AMOT: variants seen among roughly 807,000 people sequenced by gnomAD.
The protein encoded by AMOT is angiomotin.
In AMOT, 11 loss-of-function variants were observed where a neutral mutation model predicts 67.0. The ratio of observed to expected loss-of-function variants is 0.16; its 90% CI spans 0.10 to 0.27. The LOEUF (loss-of-function observed/expected upper bound fraction) is 0.27, where lower values mean the gene tolerates loss of function less well. Ranked by LOEUF, AMOT falls within the 10% of genes least tolerant of loss-of-function variation. The pLI is 1.00. For missense variants in AMOT, 753 were observed against 852.0 expected, an observed-to-expected ratio of 0.88 and a Z score of 1.45; for synonymous variants, 326 against 321.4, an observed-to-expected ratio of 1.01 and a Z score of -0.15.
Position 112,815,749 on chromosome X carries a change from G to T in AMOT, c.1001C>A (p.Ala334Asp). Reference sequence around the variant, plus strand: ...CTGGTTTGGGACCAAGGGGTGTCGGGCAGGAGACAATCTAGTGGATGGTGG... The same window carrying T: ...CTGGTTTGGGACCAAGGGGTGTCGGTCAGGAGACAATCTAGTGGATGGTGG... ...QSPPSTRLSP[A>D]RHPLVPNQGD... Residue 334 changes from alanine (A) to aspartate (D), a missense_variant, in exon 5 of 14, where the codon GCC (alanine) becomes GAC (aspartate). Physicochemically the swap from Ala to Asp is moderately radical, Grantham distance 126 (BLOSUM62 -2). This residue lies in a region of AMOT where 297 missense variants were observed against 284.3 expected (regional missense o/e 1.04). Transcript: ENST00000371959. 8.6e-7 allele frequency: 1 copy of T among 1,167,649 alleles called. No homozygotes were observed. Among genetic ancestry groups the T allele is most frequent in the East Asian group, 3.3e-5 (1 of 30,765 alleles).
intron 6 of AMOT, among the ~76,000 whole-genome samples, chrX:112,810,525 G>A (rs1387561008): frequency 2.7e-5 from 3 of 110,834 alleles, no homozygotes; most frequent in East Asian, 5.7e-4. Context: ...CATGGCCAAC[G>A]TGGCAAAACC....
At chrX:112,808,400 C>A (rs1026353394) in intron 7 of AMOT, among the ~76,000 whole-genome samples, 1 of 111,352 alleles carries the variant, frequency 9.0e-6, no homozygotes, top group Admixed American at 9.5e-5. Flanking sequence ...AGGATTCCTG[C>A]AGTACATTCC....
At chrX:112,797,393 TACACACACAG>T (rs1212202987) in intron 8 of AMOT, among the ~76,000 whole-genome samples, 5 of 111,185 alleles carry the variant, frequency 4.5e-5, no homozygotes, top group Non-Finnish European at 7.5e-5. Context: ...TGCATGCACA[TACACACACAG>T]ACACACAGAC....
At chrX:112,792,221 T>A (rs1933635689) in intron 8 of AMOT, among the ~76,000 whole-genome samples, 1 of 112,201 alleles carries the variant, frequency 8.9e-6, no homozygotes, top group Non-Finnish European at 1.9e-5. Flanking sequence ...TTCTTCCCTA[T>A]CTCTATACCT....
intron 1 of AMOT, among the ~76,000 whole-genome samples, chrX:112,833,946 G>T (rs755829553): frequency 4.5e-5 from 5 of 112,346 alleles, no homozygotes; most frequent in South Asian, 3.7e-4. Flanking sequence ...ATGAGTAAGG[G>T]ATGTACTAAT....
rs757816225 is a variant in AMOT, at chrX:112,834,926, T to C, written c.-288-2556A>G. Among the ~76,000 whole-genome samples the C allele has an allele frequency of 5.2e-4, 58 of 112,401 alleles. 1 individual carries two copies. In the Middle Eastern group the frequency reaches 0.018, roughly 36 times the overall value. ...ACTTACCACACAGTACAAAACTGTT[T>C]AATTTTTTTTCCAAAAAGCCGAGAG... On this transcript the variant is annotated intron_variant, in intron 1 of 13. Transcript: ENST00000371959.
At chrX:112,790,987 G>A (rs1933553435) in intron 9 of AMOT, among the ~76,000 whole-genome samples, 1 of 111,378 alleles carries the variant, frequency 9.0e-6, no homozygotes, top group African/African-American at 3.3e-5. Flanking sequence ...GCCAGGAAAG[G>A]GGCCTGTCAT....
intron 2 of AMOT, among the ~76,000 whole-genome samples, chrX:112,825,642 T>A (rs979970562): frequency 9.0e-6 from 1 of 110,650 alleles, no homozygotes; most frequent in Admixed American, 9.7e-5. Context: ...AGGGCAGTCA[T>A]CATAAGGTAG....
At chrX:112,809,620 T>A (rs756210138) in intron 7 of AMOT, among the ~76,000 whole-genome samples, 1 of 111,573 alleles carries the variant, frequency 9.0e-6, no homozygotes, top group Admixed American at 9.5e-5. Context: ...TTTATTTAGA[T>A]AGCAATGACA....
At position 112,823,151 on chromosome X, in the gene AMOT, AAGAG is replaced by A; in HGVS notation, c.-29_-26del. 1 of 1,131,807 alleles carries A rather than the reference AAGAG, an allele frequency of 8.8e-7. No homozygotes were observed. The allele number at this position is 1,131,807 out of a possible 1,213,427, so 93.3% of individuals were successfully genotyped here. ...TCTCTATTGCTGGTGGTGCCTTGTG[AAGAG>A]AGAGAGAAATTGGGCACCTGGGCTG... On this transcript the variant is annotated 5_prime_UTR_variant, in exon 4 of 14. Transcript: ENST00000371959.
intron 11 of AMOT, 103 bp downstream of exon 11, chrX:112,782,437 A>C: frequency 2.8e-6 from 3 of 1,080,893 alleles, no homozygotes; most frequent in Non-Finnish European, 3.8e-6. Flanking sequence ...GTGATGGTGG[A>C]GCGGGGAGGC....
At position 112,829,409 on chromosome X, in the gene AMOT, T is replaced by C. The variant is rs767562365; in HGVS notation, c.-212+2885A>G. 2.2e-4 allele frequency among the ~76,000 whole-genome samples: 25 copies of C among 111,498 alleles called. No homozygotes were observed. The South Asian group carries it at 4.6e-3, about 21-fold the overall frequency. On this transcript the variant is annotated intron_variant, in intron 2 of 13. Transcript: ENST00000371959. ...CCTGCTCCCCCATCGCCTTCTGCCA[T>C]GATTGCAAGCTTCCTGAGGCCCCCG...
At chrX:112,803,229 T>C (rs1158443122) in intron 8 of AMOT, among the ~76,000 whole-genome samples, 2 of 111,556 alleles carry the variant, frequency 1.8e-5, no homozygotes, top group African/African-American at 6.5e-5. Context: ...GGCAGCAGGG[T>C]TTAGGGAATG....
intron 8 of AMOT, among the ~76,000 whole-genome samples, chrX:112,797,708 G>A (rs868850034): frequency 3.6e-5 from 4 of 111,188 alleles, no homozygotes; most frequent in South Asian, 3.8e-4. Context: ...TTGAACCCAG[G>A]AGGCGGAGGT....
chrX:112,826,919 G>A (rs1934856701), intron 2 of AMOT, among the ~76,000 whole-genome samples: 1 of 111,823 alleles, frequency 8.9e-6, no homozygotes, highest in Non-Finnish European at 1.9e-5. Flanking sequence ...GTGCAGTGGT[G>A]GGATCTCGGC....
intron 4 of AMOT, among the ~76,000 whole-genome samples, chrX:112,816,142 T>C (rs760109873): frequency 1.8e-5 from 2 of 111,899 alleles, no homozygotes; most frequent in African/African-American, 6.5e-5. Context: ...ACAACTTCCA[T>C]GGTCACTTTG....
At chrX:112,820,202 C>A (rs756071611) in intron 4 of AMOT, among the ~76,000 whole-genome samples, 1 of 111,869 alleles carries the variant, frequency 8.9e-6, no homozygotes, top group South Asian at 3.8e-4. Flanking sequence ...GCACTCTGCT[C>A]CTTTCCCATA....
Position 112,782,560 on chromosome X carries a change from A to G in AMOT, c.2220T>C (p.Arg740=), listed in dbSNP as rs1309643542. The stretch of plus-strand genomic sequence containing the variant: ...TTTACCTGCCCTCCATGTCAAGGCA[A>G]CGCTTATTGGCCATCAAGATTTCTT... ...EEEEILMANK[R]CLDMEGRIKT... Residue 740 remains arginine, a synonymous_variant, in exon 11 of 14, where the codon CGT becomes CGC. Coordinates refer to ENST00000371959, the MANE Select transcript of AMOT (RefSeq NM_001113490.2). 1 of 1,211,484 alleles carries G rather than the reference A, an allele frequency of 8.3e-7. No homozygotes were observed. The highest frequency in any genetic ancestry group is 1.8e-5 in the South Asian group (1 of 56,949).
Position 112,815,574 on chromosome X carries a change from T to TTGG in AMOT, c.1173_1175dup (p.His391dup). The TTGG allele has an allele frequency of 2.5e-6, 3 of 1,209,739 alleles. No homozygotes were observed. Among genetic ancestry groups the TTGG allele is most frequent in the Non-Finnish European group, 3.4e-6 (3 of 894,457 alleles). On this transcript the variant is annotated inframe_insertion, in exon 5 of 14. Transcript: ENST00000371959. Reference sequence around the variant, plus strand: ...GCTGTGGCTGCTGCTGCTGCTGTTGTTGGTGGTGATGGTGATGATGGTGCT... The same window carrying TTGG: ...GCTGTGGCTGCTGCTGCTGCTGTTGTTGGTGGTGGTGATGGTGATGATGGTGCT...
Sources: allele counts gnomAD v4.1 joint callset (sites outside exome capture counted in the v4.1 genomes callset), GRCh38; gene constraint gnomAD v4.1.1; regional missense constraint gnomAD v4.1.1; transcripts MANE v1.5; gene names NCBI Gene and HGNC (gene_info 2026-07-23, HGNC 2026-07-21).